The following MSI2 variants were observed in gnomAD, a reference collection of about 807,000 sequenced individuals.
MSI2 encodes musashi RNA binding protein 2, also known as RNA-binding protein Musashi homolog 2.
A neutral mutation model predicts 45.6 loss-of-function variants in MSI2; 17 were observed. The observed-to-expected ratio is 0.37, with a 90% confidence interval of 0.26 to 0.56. MSI2 has a LOEUF of 0.56. Among genes scored for constraint, MSI2 ranks in the 20% least tolerant of loss-of-function variants. MSI2 has a pLI of 0.77. For synonymous variants in MSI2, 156 were observed against 158.2 expected, an observed-to-expected ratio of 0.99 and a Z score of 0.11; for missense variants, 293 against 444.2, an observed-to-expected ratio of 0.66 and a Z score of 3.06.
At chr17:57,314,507 A>T (rs904681685) in intron 5 of MSI2, among the ~76,000 whole-genome samples, 2 of 150,872 alleles carry the variant, frequency 1.3e-5, no homozygotes, top group African/African-American at 4.9e-5. Flanking sequence ...CAAGAGATGG[A>T]AAAGGGAAAA....
At chr17:57,279,390 T>C (rs571998969) in intron 5 of MSI2, 1 of 152,380 alleles carries the variant, frequency 6.6e-6, no homozygotes, top group Non-Finnish European at 1.5e-5. Flanking sequence ...TTGAGGGAAC[T>C]GTGGGAGCAG....
At chr17:57,441,671 T>C (rs975302985) in intron 6 of MSI2, among the ~76,000 whole-genome samples, 3 of 152,190 alleles carry the variant, frequency 2.0e-5, no homozygotes, top group African/African-American at 7.2e-5. Flanking sequence ...TTTTCCCTTT[T>C]CTCTCAGCCT....
chr17:57,652,278 C>CCGGGGAGGGGGTGGA lies in MSI2; in HGVS notation c.790+134_790+148dup. 9.2e-7 allele frequency: 1 copy of CCGGGGAGGGGGTGGA among 1,087,676 alleles called. No homozygotes were observed. Among genetic ancestry groups the CCGGGGAGGGGGTGGA allele is most frequent in the Non-Finnish European group, 1.4e-6 (1 of 738,878 alleles). The allele number at this position is 1,087,676 out of a possible 1,614,324, so 67.4% of individuals were successfully genotyped here. ...GTCCAACACCACTCTCACCACAGCCCCGGGGAGGGGGTGGACGGGGAGGGG... is the reference window on the plus strand; with the variant it reads ...GTCCAACACCACTCTCACCACAGCCCCGGGGAGGGGGTGGACGGGGAGGGGGTGGACGGGGAGGGG... On this transcript the variant is annotated intron_variant, in intron 11 of 13. Transcript: ENST00000284073. The surrounding 1 kb of genome is among the most constrained non-coding windows in gnomAD (Gnocchi z 4.1).
At chr17:57,656,121 G>A (rs556105285) in intron 11 of MSI2, among the ~76,000 whole-genome samples, 29 of 152,222 alleles carry the variant, frequency 1.9e-4, no homozygotes, top group African/African-American at 6.7e-4. Flanking sequence ...GAAGGATAGT[G>A]CGGGGACCAG....
chr17:57,619,149 C>T (rs1278870937), intron 9 of MSI2, among the ~76,000 whole-genome samples: 3 of 152,314 alleles, frequency 2.0e-5, no homozygotes, highest in East Asian at 3.9e-4. Flanking sequence ...TCCCAGACTC[C>T]GAGCAAAGGC....
intron 6 of MSI2, among the ~76,000 whole-genome samples, chr17:57,401,755 G>T (rs997156143): frequency 6.6e-6 from 1 of 152,178 alleles, no homozygotes; most frequent in African/African-American, 2.4e-5. Flanking sequence ...GGAGCTGGTG[G>T]TGACGGCAGC....
chr17:57,666,737 G>T (rs554699769), intron 11 of MSI2, among the ~76,000 whole-genome samples: 1 of 152,340 alleles, frequency 6.6e-6, no homozygotes, highest in Non-Finnish European at 1.5e-5. Context: ...CTCCTGGCAG[G>T]TAGCAGGCAG....
At chr17:57,602,831 G>C (rs1013486038) in intron 8 of MSI2, among the ~76,000 whole-genome samples, 1 of 152,160 alleles carries the variant, frequency 6.6e-6, no homozygotes, top group Non-Finnish European at 1.5e-5. Flanking sequence ...CAGCCCCTAG[G>C]AGCTGGTTAG....
intron 5 of MSI2, among the ~76,000 whole-genome samples, chr17:57,346,351 G>T (rs545128528): frequency 1.4e-5 from 2 of 144,908 alleles, no homozygotes; most frequent in Non-Finnish European, 1.5e-5. Context: ...CACATTTTGG[G>T]GGGGGGGGTC....
intron 6 of MSI2, among the ~76,000 whole-genome samples, chr17:57,441,111 G>T (rs1198146362): frequency 4.6e-5 from 7 of 152,198 alleles, no homozygotes; most frequent in African/African-American, 4.8e-5. Context: ...CCACTAATGT[G>T]AGGATGAAGT....
chr17:57,548,317 G>A (rs1296923464), intron 7 of MSI2, among the ~76,000 whole-genome samples: 1 of 151,890 alleles, frequency 6.6e-6, no homozygotes, highest in African/African-American at 2.4e-5. Context: ...GTGCAGCTCT[G>A]ACATATTAAT....
chr17:57,563,660 A>G (rs1346968079), intron 7 of MSI2, among the ~76,000 whole-genome samples: 1 of 151,760 alleles, frequency 6.6e-6, no homozygotes, highest in Admixed American at 6.6e-5. Flanking sequence ...TAACATACCC[A>G]TAATGGCCCC....
At chr17:57,477,457 A>C (rs1292614066) in intron 6 of MSI2, among the ~76,000 whole-genome samples, 2 of 152,098 alleles carry the variant, frequency 1.3e-5, no homozygotes, top group Non-Finnish European at 2.9e-5. Flanking sequence ...TTGATCAAAC[A>C]ACAGAGTAGT....
intron 7 of MSI2, among the ~76,000 whole-genome samples, chr17:57,545,416 C>G (rs1183338894): frequency 6.6e-6 from 1 of 152,204 alleles, no homozygotes; most frequent in Non-Finnish European, 1.5e-5. Context: ...GTGCCCTTCT[C>G]AACTCCAGAC....
intron 5 of MSI2, among the ~76,000 whole-genome samples, chr17:57,374,809 C>A (rs1469708533): frequency 1.3e-5 from 2 of 152,136 alleles, no homozygotes; most frequent in East Asian, 3.8e-4. Context: ...AAATGCTTAT[C>A]TTTGATCTAG....
At chr17:57,546,666 C>T (rs931945095) in intron 7 of MSI2, among the ~76,000 whole-genome samples, 6 of 152,174 alleles carry the variant, frequency 3.9e-5, no homozygotes, top group African/African-American at 1.4e-4. Context: ...AAGTCATTGG[C>T]ACTTCTGAGA....
At position 57,445,940 on chromosome 17, in the gene MSI2, G is replaced by A. The variant is rs547331767; in HGVS notation, c.405+44469G>A. Among the ~76,000 whole-genome samples the A allele has an allele frequency of 2.0e-5, 3 of 152,272 alleles. No homozygotes were observed. In the South Asian group the frequency reaches 6.2e-4, roughly 32 times the overall value. On this transcript the variant is annotated intron_variant, in intron 6 of 13. Coordinates refer to ENST00000284073, the MANE Select transcript of MSI2 (RefSeq NM_138962.4). ...CGTTGATTCACGAGACAAATGTTTAGGAATGCCCTGTCTCTGCCAGGCACT... is the reference window on the plus strand; with the variant it reads ...CGTTGATTCACGAGACAAATGTTTAAGAATGCCCTGTCTCTGCCAGGCACT...
chr17:57,288,437 C>T (rs1486717780), intron 5 of MSI2, among the ~76,000 whole-genome samples: 1 of 152,212 alleles, frequency 6.6e-6, no homozygotes, highest in East Asian at 1.9e-4. Context: ...CTGACTTTCT[C>T]TACAGAATCT....
intron 9 of MSI2, among the ~76,000 whole-genome samples, chr17:57,619,793 A>G (rs757240791): frequency 2.6e-4 from 39 of 152,336 alleles, no homozygotes; most frequent in Non-Finnish European, 4.3e-4. Context: ...GATGCCTGCC[A>G]GGAGCTTACT....
Sources: allele counts gnomAD v4.1 joint callset (sites outside exome capture counted in the v4.1 genomes callset), GRCh38; gene constraint gnomAD v4.1.1; non-coding constraint Gnocchi (gnomAD v3.1); transcripts MANE v1.5; gene names NCBI Gene and HGNC (gene_info 2026-07-23, HGNC 2026-07-21).